ZNF644: variants seen among roughly 807,000 people sequenced by gnomAD.
ZNF644 encodes the protein zinc finger protein 644.
A neutral mutation model predicts 108.0 loss-of-function variants in ZNF644; 20 were observed. The ratio of observed to expected loss-of-function variants is 0.19; its 90% confidence interval spans 0.13 to 0.27. The LOEUF is 0.27. ZNF644 is among the 10% of genes least tolerant of loss of function. The pLI is 1.00. For synonymous variants in ZNF644, 542 were observed against 539.1 expected (o/e 1.01, Z -0.08); for missense variants, 1,338 against 1,548.9 (o/e 0.86, Z 2.29).
intron 1 of ZNF644, among the ~76,000 whole-genome samples, chr1:90,989,554 T>G (rs1657437257): frequency 6.6e-6 from 1 of 151,882 alleles, no homozygotes. Flanking sequence ...AAAAAAATAT[T>G]GTAAGAAAGA....
chr1:90,938,528 T>C lies in ZNF644; in HGVS notation c.2826A>G (p.Ala942=), dbSNP rs181776858. 3.7e-6 allele frequency: 6 copies of C among 1,614,038 alleles called. No homozygotes were observed. The East Asian group carries it at 6.7e-5, about 18-fold the overall frequency. The part of the protein sequence containing the change: ...EIHDPQHLET[A]DASLSKHSSV... ...AACTATGCTTTGACAATGAAGCATC[T>C]GCAGTTTCTAAATGCTGAGGATCAT... is the stretch of plus-strand genomic sequence containing the variant. The change falls in exon 3 of 6, where the codon GCA becomes GCG. Residue 942 remains alanine (A), a synonymous_variant. Coordinates refer to ENST00000337393, the MANE Select transcript of ZNF644 (RefSeq NM_201269.3). The surrounding 1 kb of genome is among the most constrained non-coding windows in gnomAD (Gnocchi z 4.2).
chr1:90,937,316 T>C (rs1390006612), intron 4 of ZNF644, among the ~76,000 whole-genome samples, 169 bp downstream of exon 4: 1 of 151,840 alleles, frequency 6.6e-6, no homozygotes, highest in African/African-American at 2.4e-5. Context: ...CATCAATTGA[T>C]GAGTTATACA....
rs914290028 is a variant in ZNF644 at position 90,963,948 on chromosome 1, C to T, written c.44+18362G>A. On this transcript the variant is annotated intron_variant, in intron 2 of 5. Transcript: ENST00000337393. ...TTTAAATTTTTAAAAAGACACAGAG[C>T]ACCATCTTTTATAGCTATATATGTG... Among the ~76,000 whole-genome samples, 9 of 152,192 alleles carry T rather than the reference C, an allele frequency of 5.9e-5. No individual in the cohort carries two copies. The South Asian group carries it at 1.5e-3, about 25-fold the overall frequency.
intron 2 of ZNF644, among the ~76,000 whole-genome samples, chr1:90,961,773 G>C (rs1393724939): frequency 6.6e-6 from 1 of 152,044 alleles, no homozygotes; most frequent in Non-Finnish European, 1.5e-5. Context: ...TTCAAAAGCA[G>C]TAAATATTGT....
intron 4 of ZNF644, among the ~76,000 whole-genome samples, chr1:90,920,430 G>T (rs577278928): frequency 6.6e-6 from 1 of 152,016 alleles, no homozygotes; most frequent in South Asian, 2.1e-4. Flanking sequence ...ATATGCAAAA[G>T]AACATTTTAT....
At chr1:90,935,494 T>C (rs187655584) in intron 4 of ZNF644, 7 of 985,888 alleles carry the variant, frequency 7.1e-6, no homozygotes, top group Admixed American at 1.2e-4. Flanking sequence ...AAACGTCGTA[T>C]TGCAATGCAC....
At chr1:90,956,132 G>A (rs1350914973) in intron 2 of ZNF644, among the ~76,000 whole-genome samples, 1 of 152,132 alleles carries the variant, frequency 6.6e-6, no homozygotes, top group Admixed American at 6.6e-5. Context: ...ACACAATATT[G>A]ATCAATTCAG....
At chr1:90,937,296 TGCTAATGAGCA>T (rs1176087162) in intron 4 of ZNF644, among the ~76,000 whole-genome samples, 178 bp downstream of exon 4, 1 of 151,926 alleles carries the variant, frequency 6.6e-6, no homozygotes, top group African/African-American at 2.4e-5. Flanking sequence ...GAGAACTCAG[TGCTAATGAGCA>T]TCAATTGATG....
At chr1:91,002,079 G>A (rs1303471326) in intron 1 of ZNF644, among the ~76,000 whole-genome samples, 11 of 152,228 alleles carry the variant, frequency 7.2e-5, no homozygotes, top group South Asian at 2.1e-4. Flanking sequence ...GGAAGAATCA[G>A]TATCGGGAAA....
intron 4 of ZNF644, among the ~76,000 whole-genome samples, chr1:90,925,578 ATATT>A (rs1245810701): frequency 6.6e-6 from 1 of 151,728 alleles, no homozygotes; most frequent in Non-Finnish European, 1.5e-5. Context: ...ATAATTAGAT[ATATT>A]TAAGATTCCC....
intron 4 of ZNF644, among the ~76,000 whole-genome samples, chr1:90,932,375 C>A (rs1465138174): frequency 6.6e-6 from 1 of 152,106 alleles, no homozygotes; most frequent in Non-Finnish European, 1.5e-5. Flanking sequence ...ACTAGAAATA[C>A]ACATACTGGA....
At chr1:90,947,094 A>G (rs542667316) in intron 2 of ZNF644, among the ~76,000 whole-genome samples, 2 of 152,208 alleles carry the variant, frequency 1.3e-5, no homozygotes, top group Non-Finnish European at 2.9e-5. Context: ...TTATGTAACA[A>G]TAAGAATCAA....
rs1044095218 is a variant in ZNF644, at chr1:90,939,017, A to G, written c.2337T>C (p.Ser779=). ...LNSLHLFSSS[S]NSHNNFISDP... ...CTGAAATAAAATTGTTGTGAGAATT[A>G]CTTGATGATGAAAACAGGTGTAAAG... The change falls in exon 3 of 6, where the codon AGT becomes AGC. Residue 779 remains serine (S), a synonymous_variant. Transcript: ENST00000337393. The G allele has an allele frequency of 6.2e-7, 1 of 1,614,038 alleles. No individual in the cohort carries two copies. The highest frequency in any genetic ancestry group is 8.5e-7 in the Non-Finnish European group (1 of 1,179,926).
intron 1 of ZNF644, among the ~76,000 whole-genome samples, chr1:91,012,523 T>G (rs1377518862): frequency 1.3e-5 from 2 of 151,908 alleles, no homozygotes; most frequent in Non-Finnish European, 1.5e-5. Flanking sequence ...AAGCAAAAAC[T>G]AATTTATGGT....
chr1:90,936,029 C>T (rs946622722), intron 4 of ZNF644, among the ~76,000 whole-genome samples: 1 of 152,186 alleles, frequency 6.6e-6, no homozygotes, highest in African/African-American at 2.4e-5. Context: ...TGGTAAAACA[C>T]ACCACTGAAC....
chr1:90,938,830 G>C lies in ZNF644; in HGVS notation c.2524C>G (p.Gln842Glu), dbSNP rs369660552. ...FLHKMTVVVL[Q>E]KLNSAEKKDS... Reference sequence around the variant, plus strand: ...TTCTTTTCAGCAGAATTAAGTTTTTGCAAAACGACAACAGTCATTTTATGC... The same window carrying C: ...TTCTTTTCAGCAGAATTAAGTTTTTCCAAAACGACAACAGTCATTTTATGC... The change falls in exon 3 of 6, where the codon CAA becomes GAA. Residue 842 changes from glutamine (Q) to glutamate (E), a missense_variant. Transcript: ENST00000337393. This position sits in a 1 kb window ranked among gnomAD's most constrained non-coding sequence, Gnocchi z 4.2. 7.4e-6 allele frequency: 12 copies of C among 1,613,502 alleles called. No homozygotes were observed. In the African/African-American group the frequency reaches 1.2e-4, roughly 16 times the overall value.
intron 1 of ZNF644, among the ~76,000 whole-genome samples, chr1:90,987,930 T>C (rs577929901): frequency 4.6e-5 from 7 of 152,196 alleles, no homozygotes; most frequent in African/African-American, 1.2e-4. Flanking sequence ...AAGCCATACA[T>C]GAAAAGCCCA....
chr1:90,978,836 T>TAA (rs74910043), intron 2 of ZNF644, among the ~76,000 whole-genome samples: 1 of 137,420 alleles, frequency 7.3e-6, no homozygotes, highest in African/African-American at 2.7e-5. Flanking sequence ...AATCAGGATT[T>TAA]AAAAAAAAAA....
At chr1:90,993,611 A>AT (rs1255777340) in intron 1 of ZNF644, among the ~76,000 whole-genome samples, 1 of 152,188 alleles carries the variant, frequency 6.6e-6, no homozygotes, top group Admixed American at 6.5e-5. Flanking sequence ...TTATATTGAC[A>AT]TTTGATTTAG....
Sources: allele counts gnomAD v4.1 joint callset (sites outside exome capture counted in the v4.1 genomes callset), GRCh38; gene constraint gnomAD v4.1.1; non-coding constraint Gnocchi (gnomAD v3.1); transcripts MANE v1.5; gene names NCBI Gene and HGNC (gene_info 2026-07-23, HGNC 2026-07-21).